The following CDAN1 variants were observed in gnomAD, a reference collection of about 807,000 sequenced individuals.
CDAN1 encodes the protein codanin-1.
CDAN1 carries 107 observed loss-of-function variants against 139.8 expected under a neutral mutation model. The observed-to-expected ratio is 0.77, with a 90% CI of 0.65 to 0.90. CDAN1 has a LOEUF of 0.90. Ranked by LOEUF, CDAN1 falls within the 40% of genes least tolerant of loss-of-function variation. CDAN1 has a pLI of 0.00. For synonymous variants in CDAN1, 776 were observed against 660.6 expected (o/e 1.17, Z -2.68); for missense variants, 1,667 against 1,575.7 (o/e 1.06, Z -0.98).
At position 42,726,397 on chromosome 15, in the gene CDAN1, C is replaced by G; in HGVS notation, c.3117G>C (p.Val1039=). 6.3e-7 allele frequency: 1 copy of G among 1,596,942 alleles called. No homozygotes were observed. Among genetic ancestry groups the G allele is most frequent in the Non-Finnish European group, 8.5e-7 (1 of 1,171,944 alleles). ...CTCCCTCGTCAGGGTCCCGTGGCCC[C>G]ACGGCCAAGGAGAGCACGTCCTGTG... ...SEIKDVLSLA[V]GPRDPDEGVS... Residue 1039 remains valine, a synonymous_variant, in exon 24 of 28, where the codon GTG becomes GTC. Transcript: ENST00000356231.
At chr15:42,732,930 G>A (rs1329344935) in intron 9 of CDAN1, among the ~76,000 whole-genome samples, 167 bp downstream of exon 9, 2 of 152,178 alleles carry the variant, frequency 1.3e-5, no homozygotes, top group African/African-American at 2.4e-5. Flanking sequence ...CATCCCTTTC[G>A]AATAGAGGCA....
In CDAN1 at chr15:42,734,005, G is replaced by A; in HGVS notation, c.1300C>T (p.Gln434Ter). 6.2e-7 allele frequency: 1 copy of A among 1,614,158 alleles called. No individual in the cohort carries two copies. The highest frequency in any genetic ancestry group is 8.5e-7 in the Non-Finnish European group (1 of 1,179,986). ...TTGGCACGATTGTCAGTCTCTGGCT[G>A]AAAGGAGACAGCTTGAGTAGAGGGA... is the stretch of plus-strand genomic sequence containing the variant. ...MPPSTQAVSF[Q>*]PETDNRANFS... The change falls in exon 8 of 28, where the codon CAG (glutamine) becomes TAG (stop). Residue 434 changes from glutamine (Q) to a stop codon, truncating the protein, a stop_gained. Transcript: ENST00000356231. LOFTEE classifies it high-confidence loss of function.
At chr15:42,726,239 G>A in intron 24 of CDAN1, 71 bp downstream of exon 24, 2 of 1,591,582 alleles carry the variant, frequency 1.3e-6, no homozygotes, top group Non-Finnish European at 1.7e-6. Flanking sequence ...CTGAGCCAGT[G>A]TGGCTCTGGT....
At position 42,734,215 on chromosome 15, in the gene CDAN1, G is replaced by T. The variant is rs2061656554; in HGVS notation, c.1257+11C>A. 1.2e-6 allele frequency: 2 copies of T among 1,614,098 alleles called. No individual in the cohort carries two copies. The highest frequency in any genetic ancestry group is 3.3e-5 in the Admixed American group (2 of 60,032). On this transcript the variant is annotated intron_variant, in intron 7 of 27. Transcript: ENST00000356231. Reference sequence around the variant, plus strand: ...GTCCAGGCTAGTGGGCAACTAAGCTGGGGTTACTACCTTGGCAACACTGCC... The same window carrying T: ...GTCCAGGCTAGTGGGCAACTAAGCTTGGGTTACTACCTTGGCAACACTGCC...
Position 42,729,901 on chromosome 15 carries a change from C to G in CDAN1, c.2263-16G>C. 1 of 1,603,654 alleles carries G rather than the reference C, an allele frequency of 6.2e-7. No homozygotes were observed. The highest frequency in any genetic ancestry group is 8.5e-7 in the Non-Finnish European group (1 of 1,172,746). On this transcript the variant is annotated splice_polypyrimidine_tract_variant and intron_variant, in intron 15 of 27. Coordinates refer to ENST00000356231, the MANE Select transcript of CDAN1 (RefSeq NM_138477.4). The stretch of plus-strand genomic sequence containing the variant: ...CTGTGGGAATCTGGCAAGACAGTCA[C>G]AATTCAGGTCAACTTCAGAGACCCC...
Position 42,736,511 on chromosome 15 carries a change from G to GC in CDAN1, c.359dup (p.Arg121GlnfsTer34). On this transcript the variant is annotated frameshift_variant, in exon 2 of 28. Coordinates refer to ENST00000356231, the MANE Select transcript of CDAN1 (RefSeq NM_138477.4). LOFTEE classifies it high-confidence loss of function. ...GGGCCGGCCCCGGGCCCCGCCTCCT[G>GC]CCCCCGCGGCGGGCCAGAGGGGCCT... 7.0e-7 allele frequency: 1 copy of GC among 1,418,684 alleles called. No homozygotes were observed. Among genetic ancestry groups the GC allele is most frequent in the Non-Finnish European group, 9.1e-7 (1 of 1,093,686 alleles). 87.9% of individuals were successfully genotyped at this position (1,418,684 alleles called of 1,614,324 possible).
chr15:42,729,610 C>A lies in CDAN1; in HGVS notation c.2365G>T (p.Val789Leu), dbSNP rs766323404. Residue 789 changes from valine (V) to leucine (L), a missense_variant, in exon 17 of 28, where the codon GTG (valine) becomes TTG (leucine). By Grantham distance (32) the Val-to-Leu change is conservative. This residue lies in a region of CDAN1 where 936 missense variants were observed against 844.1 expected (regional missense o/e 1.11). Transcript: ENST00000356231. Reference protein sequence around the residue: ...APEHGLDNAPVVDQQLLYTCC... With the variant: ...APEHGLDNAPLVDQQLLYTCC... ...GTGTAGAGCAGCTGCTGGTCCACCACAGGCGCATTGTCCTGGGGAGAAAAG... is the reference window on the plus strand; with the variant it reads ...GTGTAGAGCAGCTGCTGGTCCACCAAAGGCGCATTGTCCTGGGGAGAAAAG... 1.8e-5 allele frequency: 29 copies of A among 1,614,050 alleles called. No individual in the cohort carries two copies. In the South Asian group the frequency reaches 3.2e-4, roughly 18 times the overall value.
At chr15:42,725,361 A>T in intron 26 of CDAN1, 110 bp from the exon 27 acceptor site, 1 of 1,467,388 alleles carries the variant, frequency 6.8e-7, no homozygotes, top group South Asian at 1.1e-5. Flanking sequence ...TGAGATGGAT[A>T]AATGGAGCCC....
intron 1 of CDAN1, 66 bp from the exon 2 acceptor site, chr15:42,736,846 G>T: frequency 6.9e-7 from 1 of 1,449,614 alleles, no homozygotes. Context: ...GTGAGCAGCC[G>T]GGGCCGTAGG....
At chr15:42,728,961 A>C in intron 19 of CDAN1, 62 bp downstream of exon 19, 1 of 1,591,126 alleles carries the variant, frequency 6.3e-7, no homozygotes, top group African/African-American at 1.3e-5. Flanking sequence ...CAGTTTAGCA[A>C]CTGAGGAAAA....
In CDAN1 at chr15:42,731,015, G is replaced by A. The variant is rs1352615087; in HGVS notation, c.1917C>T (p.Phe639=). 1 of 1,614,184 alleles carries A rather than the reference G, an allele frequency of 6.2e-7. No homozygotes were observed. Among genetic ancestry groups the A allele is most frequent in the Non-Finnish European group, 8.5e-7 (1 of 1,180,032 alleles). Residue 639 remains phenylalanine (F), a synonymous_variant, in exon 13 of 28, where the codon TTC becomes TTT. Coordinates refer to ENST00000356231, the MANE Select transcript of CDAN1 (RefSeq NM_138477.4). Reference sequence around the variant, plus strand: ...ATGGCAGGAAAGCCACAAAGCCCAGGAATTTAGCCAAAAGTCTCAGGCTAA... The same window carrying A: ...ATGGCAGGAAAGCCACAAAGCCCAGAAATTTAGCCAAAAGTCTCAGGCTAA... ...VLLSLRLLAK[F]LGFVAFLPYR... is the part of the protein sequence containing the mutation.
At chr15:42,726,277 A>G (rs923254013) in intron 24 of CDAN1, 33 bp downstream of exon 24, 3 of 1,592,728 alleles carry the variant, frequency 1.9e-6, no homozygotes, top group Non-Finnish European at 1.7e-6. Flanking sequence ...GGACACAGAA[A>G]AAAGCCCCCC....
intron 15 of CDAN1, 37 bp from the exon 16 acceptor site, chr15:42,729,922 A>ACGCCCCCCCCCCCCCCCCCC: frequency 1.3e-6 from 2 of 1,513,188 alleles, no homozygotes; most frequent in Non-Finnish European, 9.1e-7. Context: ...AACTTCAGAG[A>ACGCCCCCCCCCCCCCCCCCC]CCCCCACCCA....
At chr15:42,728,910 C>A in intron 19 of CDAN1, 100 bp from the exon 20 acceptor site, 1 of 1,583,650 alleles carries the variant, frequency 6.3e-7, no homozygotes, top group South Asian at 1.1e-5. Flanking sequence ...CAAAATGTGT[C>A]AGCCATTTCA....
chr15:42,735,321 T>C lies in CDAN1; in HGVS notation c.997A>G (p.Thr333Ala). 6.2e-7 allele frequency: 1 copy of C among 1,610,476 alleles called. No individual in the cohort carries two copies. Among genetic ancestry groups the C allele is most frequent in the Non-Finnish European group, 8.5e-7 (1 of 1,178,268 alleles). ...TTGGCAGTCACCATCCTCCGGGCAG[T>C]GAGGAGCTGAAAGACGAAGAAAAGC... is the stretch of plus-strand genomic sequence containing the variant. ...LELFFVFQLL[T>A]ARRMVTAKDS... is the part of the protein sequence containing the mutation. Residue 333 changes from threonine (T) to alanine (A), a missense_variant, in exon 5 of 28, where the codon ACT becomes GCT. By Grantham distance (58) the Thr-to-Ala change is moderately conservative. Transcript: ENST00000356231.
Position 42,735,089 on chromosome 15 carries a change from G to A in CDAN1, c.1136+11C>T. 6.2e-7 allele frequency: 1 copy of A among 1,604,446 alleles called. No individual in the cohort carries two copies. The highest frequency in any genetic ancestry group is 8.5e-7 in the Non-Finnish European group (1 of 1,171,532). On this transcript the variant is annotated intron_variant, in intron 6 of 27. Coordinates refer to ENST00000356231, the MANE Select transcript of CDAN1 (RefSeq NM_138477.4). ...GAATGAGGCCCAAATGCCTCAGCCAGGGAAACTCACTGAAAGTGACACTCC... is the reference window on the plus strand; with the variant it reads ...GAATGAGGCCCAAATGCCTCAGCCAAGGAAACTCACTGAAAGTGACACTCC...
Position 42,728,199 on chromosome 15 carries a change from C to CGTACGGCTG in CDAN1, c.2864_2868+4dup, listed in dbSNP as rs1446354273. ...CTGCTAGCTGCAGGCCTCCCTCACA[C>CGTACGGCTG]GTACGGCTGCCGGGGTCTCCTCTGG... On this transcript the variant is annotated splice_donor_region_variant and intron_variant, in intron 21 of 27. Coordinates refer to ENST00000356231, the MANE Select transcript of CDAN1 (RefSeq NM_138477.4). 4.3e-6 allele frequency: 7 copies of CGTACGGCTG among 1,613,350 alleles called. No individual in the cohort carries two copies. The highest frequency in any genetic ancestry group is 5.9e-6 in the Non-Finnish European group (7 of 1,179,932).
intron 20 of CDAN1, 32 bp downstream of exon 20, chr15:42,728,620 G>A (rs2061564477): frequency 6.2e-7 from 1 of 1,613,018 alleles, no homozygotes; most frequent in Non-Finnish European, 8.5e-7. Context: ...AAGCCAAGAG[G>A]AGAGTGGATC....
rs148832555 is a variant in CDAN1, at chr15:42,726,415, G to A, written c.3099C>T (p.Asp1033=). Residue 1033 remains aspartate, a splice_region_variant and synonymous_variant, in exon 24 of 28, where the codon GAC becomes GAT. Transcript: ENST00000356231. ...LPSHLISEIK[D]VLSLAVGPRD... ...GTGGCCCCACGGCCAAGGAGAGCACGTCCTGTGAAGAGCAGGGGGAGATAT... is the reference window on the plus strand; with the variant it reads ...GTGGCCCCACGGCCAAGGAGAGCACATCCTGTGAAGAGCAGGGGGAGATAT... 145 of 1,588,182 alleles carry A rather than the reference G, an allele frequency of 9.1e-5. No individual in the cohort carries two copies. The highest frequency in any genetic ancestry group is 4.8e-4 in the South Asian group (42 of 87,136).
Sources: allele counts gnomAD v4.1 joint callset (sites outside exome capture counted in the v4.1 genomes callset), GRCh38; gene constraint gnomAD v4.1.1; regional missense constraint gnomAD v4.1.1; transcripts MANE v1.5; gene names NCBI Gene and HGNC (gene_info 2026-07-23, HGNC 2026-07-21).